The following DBF4B variants were observed in gnomAD, a reference collection of about 807,000 sequenced individuals.
DBF4B encodes DBF4B-CDC7 kinase regulatory subunit.
Under a neutral mutation model 53.4 loss-of-function variants are expected in DBF4B, and 49 were observed. The ratio of observed to expected loss-of-function variants is 0.92; its 90% confidence interval spans 0.73 to 1.16. The LOEUF is 1.16. Among genes scored for constraint, DBF4B ranks in the 50% most tolerant of loss-of-function variants. The probability of loss-of-function intolerance (pLI) is 0.00; values close to 1 mark genes in which losing one functional copy is unlikely to be tolerated. For missense variants in DBF4B, 692 were observed against 775.0 expected (o/e 0.89, Z 1.27); for synonymous variants, 257 against 288.7 (o/e 0.89, Z 1.11).
At position 44,708,721 on chromosome 17, in the gene DBF4B, A is replaced by G; in HGVS notation, c.-100A>G. ...ATTGATGCTGTAGCTGCCCTGAGAT[A>G]ACCAGGACTGTGGAATCGGGAAGAG... On this transcript the variant is annotated 5_prime_UTR_variant, in exon 1 of 14. The change creates a new upstream start codon in the 5' untranslated region. Coordinates refer to ENST00000315005, the MANE Select transcript of DBF4B (RefSeq NM_145663.3). 6 of 1,436,494 alleles carry G rather than the reference A, an allele frequency of 4.2e-6. No homozygotes were observed. Among genetic ancestry groups the G allele is most frequent in the Non-Finnish European group, 5.7e-6 (6 of 1,060,696 alleles). The allele number at this position is 1,436,494 out of a possible 1,614,324, so 89.0% of individuals were successfully genotyped here.
intron 3 of DBF4B, 31 bp downstream of exon 3, chr17:44,723,053 A>G (rs1360603328): frequency 1.2e-6 from 2 of 1,612,412 alleles, no homozygotes; most frequent in East Asian, 2.2e-5. Context: ...CTGCGATGCC[A>G]TGTGCCTTTG....
At chr17:44,747,608 C>T in intron 12 of DBF4B, 93 bp downstream of exon 12, 1 of 1,496,586 alleles carries the variant, frequency 6.7e-7, no homozygotes, top group Non-Finnish European at 9.0e-7. Flanking sequence ...GCTGCTGGGA[C>T]CAGACTGTGA....
In DBF4B at chr17:44,729,898, G is replaced by T. The variant is rs183329057; in HGVS notation, c.226-7G>T. ...GGTTTTCAGCCACCTCTGTGATCTG[G>T]TTTCAGGTAATTGAGGGTTTTCTGA... On this transcript the variant is annotated splice_polypyrimidine_tract_variant and splice_region_variant and intron_variant, in intron 3 of 13. Transcript: ENST00000315005. The T allele has an allele frequency of 5.6e-6, 9 of 1,613,100 alleles. No homozygotes were observed. In the Admixed American group the frequency reaches 1.3e-4, roughly 24 times the overall value.
chr17:44,742,786 T>A (rs935499135), intron 10 of DBF4B, among the ~76,000 whole-genome samples: 4 of 152,186 alleles, frequency 2.6e-5, no homozygotes, highest in Non-Finnish European at 5.9e-5. Flanking sequence ...TGTTAATGTT[T>A]CTACTCTGCA....
Position 44,732,026 on chromosome 17 carries a change from C to T in DBF4B, c.469-152C>T, listed in dbSNP as rs529930318. ...ATGTCTTCCTGGGGGTTGGGATGGACTCTCTGGGCACTGTACTCTCTCTCC... is the reference window on the plus strand; with the variant it reads ...ATGTCTTCCTGGGGGTTGGGATGGATTCTCTGGGCACTGTACTCTCTCTCC... On this transcript the variant is annotated intron_variant, in intron 5 of 13. Transcript: ENST00000315005. 4.6e-6 allele frequency: 3 copies of T among 648,876 alleles called. No homozygotes were observed. In the East Asian group the frequency reaches 8.4e-5, roughly 18 times the overall value. The allele number at this position is 648,876 out of a possible 1,614,324, so 40.2% of individuals were successfully genotyped here. A position where few individuals can be genotyped will look rare whatever the true frequency, so the allele number is the denominator to read the frequency against.
At chr17:44,750,568 T>G (rs373337894) in intron 13 of DBF4B, 27 bp from the exon 14 acceptor site, 50 of 1,575,858 alleles carry the variant, frequency 3.2e-5, no homozygotes, top group Non-Finnish European at 3.9e-5. Context: ...TGGAATGCCA[T>G]ATGTCGGTCC....
chr17:44,725,116 CAAAA>C (rs57821218), intron 3 of DBF4B, among the ~76,000 whole-genome samples: 3 of 47,602 alleles, frequency 6.3e-5, no homozygotes, highest in South Asian at 1.5e-3. Context: ...GACTCCATCT[CAAAA>C]AAAAAAAAAA....
chr17:44,720,827 G>C (rs1425180054), intron 2 of DBF4B, among the ~76,000 whole-genome samples: 2 of 150,306 alleles, frequency 1.3e-5, no homozygotes. Context: ...GAGGGTTCCA[G>C]TTTCTCATAT....
chr17:44,733,224 C>T (rs1269821772), intron 6 of DBF4B, among the ~76,000 whole-genome samples: 7 of 152,012 alleles, frequency 4.6e-5, no homozygotes, highest in African/African-American at 7.3e-5. Context: ...CTACGAATTA[C>T]CTCATTTAAT....
rs1421709660 is a variant in DBF4B at position 44,750,883 on chromosome 17, C to G, written c.1478C>G (p.Pro493Arg). ...FAPADIPVKG[P>R]LLFPEARPWL... is the part of the protein sequence containing the mutation. ...CCGGCGGACATTCCTGTTAAGGGCC[C>G]ACTCCTCTTCCCTGAAGCCAGACCG... is the stretch of plus-strand genomic sequence containing the variant. Residue 493 changes from proline to arginine, a missense_variant, in exon 14 of 14, where the codon CCA becomes CGA. Physicochemically the swap from Pro to Arg is moderately radical, Grantham distance 103. Transcript: ENST00000315005. The G allele has an allele frequency of 1.2e-6, 2 of 1,614,206 alleles. No individual in the cohort carries two copies. Among genetic ancestry groups the G allele is most frequent in the Non-Finnish European group, 8.5e-7 (1 of 1,180,032 alleles).
chr17:44,735,741 G>A (rs968226013), intron 7 of DBF4B, among the ~76,000 whole-genome samples: 4 of 152,138 alleles, frequency 2.6e-5, no homozygotes, highest in African/African-American at 9.7e-5. Flanking sequence ...GTGCTGATAC[G>A]CAAGGGAATG....
At chr17:44,736,122 C>G (rs563221485) in intron 7 of DBF4B, among the ~76,000 whole-genome samples, 1 of 151,504 alleles carries the variant, frequency 6.6e-6, no homozygotes. Flanking sequence ...GCTAGGACTA[C>G]GGGCATGCGC....
At position 44,715,393 on chromosome 17, in the gene DBF4B, C is replaced by T. The variant is rs1021061842; in HGVS notation, c.82+6027C>T. Among the ~76,000 whole-genome samples, 7 of 152,146 alleles carry T rather than the reference C, an allele frequency of 4.6e-5. No individual in the cohort carries two copies. In the South Asian group the frequency reaches 1.4e-3, roughly 31 times the overall value. On this transcript the variant is annotated intron_variant, in intron 2 of 13. Coordinates refer to ENST00000315005, the MANE Select transcript of DBF4B (RefSeq NM_145663.3). Reference sequence around the variant, plus strand: ...TGTATTTTTAGTAGAAATGGGGTTTCACCATGTTAGCCAGGCTGGTCTCAA... The same window carrying T: ...TGTATTTTTAGTAGAAATGGGGTTTTACCATGTTAGCCAGGCTGGTCTCAA...
rs1032394318 is a variant in DBF4B at position 44,750,877 on chromosome 17, AG to A, written c.1475del (p.Gly492AlafsTer25). The A allele has an allele frequency of 1.3e-5, 21 of 1,614,006 alleles. No homozygotes were observed. The highest frequency in any genetic ancestry group is 1.8e-5 in the Non-Finnish European group (21 of 1,180,024). Reference protein sequence around the residue: ...NSFAPADIPVKGPLLFPEARP... With the variant: ...NSFAPADIPVXGPLLFPEARP... ...TTTGCCCCGGCGGACATTCCTGTTA[AG>A]GGCCCACTCCTCTTCCCTGAAGCCA... On this transcript the variant is annotated frameshift_variant, in exon 14 of 14. Transcript: ENST00000315005. LOFTEE classifies it low-confidence loss of function (END_TRUNC).
chr17:44,743,241 A>G (rs1168468866), intron 10 of DBF4B, among the ~76,000 whole-genome samples: 1 of 152,196 alleles, frequency 6.6e-6, no homozygotes, highest in African/African-American at 2.4e-5. Context: ...TCTGCATGTG[A>G]GGCGCCTAGG....
intron 13 of DBF4B, chr17:44,750,246 G>T: frequency 9.6e-7 from 1 of 1,039,504 alleles, no homozygotes; most frequent in Non-Finnish European, 1.2e-6. Context: ...TCGATTCTCT[G>T]GCCACTTTTT....
At chr17:44,720,137 G>A (rs1973697527) in intron 2 of DBF4B, 2 of 307,720 alleles carry the variant, frequency 6.5e-6, no homozygotes, top group Admixed American at 4.0e-5. Flanking sequence ...CCTCTGTGGC[G>A]CCCAGTGGTG....
rs116103430 is a variant in DBF4B, at chr17:44,728,022, C to G, written c.226-1883C>G. On this transcript the variant is annotated intron_variant, in intron 3 of 13. Transcript: ENST00000315005. Reference sequence around the variant, plus strand: ...CATGAGCCACCACACCTGGCCAAAACAACAATTTATTATTTCTCATTATGC... The same window carrying G: ...CATGAGCCACCACACCTGGCCAAAAGAACAATTTATTATTTCTCATTATGC... Among the ~76,000 whole-genome samples, 1,219 of 151,978 alleles carry G rather than the reference C, an allele frequency of 8.0e-3. 15 individuals are homozygous for G. Among genetic ancestry groups the G allele is most frequent in the African/African-American group, 0.028 (1,153 of 41,448 alleles).
At chr17:44,725,309 A>G (rs1974211378) in intron 3 of DBF4B, among the ~76,000 whole-genome samples, 2 of 152,052 alleles carry the variant, frequency 1.3e-5, no homozygotes, top group East Asian at 1.9e-4. Flanking sequence ...GTTAAAATAA[A>G]CAAACATATT....
Sources: gnomAD v4.1 joint callset for allele counts (sites outside exome capture counted in the v4.1 genomes callset) on GRCh38, gnomAD v4.1.1 for gene constraint, MANE v1.5 for transcripts, NCBI Gene and HGNC (gene_info 2026-07-23, HGNC 2026-07-21) for gene names.